Variants in ALK observed in about 807,000 individuals in gnomAD.
The protein encoded by ALK is ALK tyrosine kinase receptor.
A neutral mutation model predicts 163.1 loss-of-function variants in ALK; 74 were observed. The observed-to-expected ratio is 0.45, with a 90% CI of 0.38 to 0.55. The LOEUF (loss-of-function observed/expected upper bound fraction) is 0.55. Ranked by LOEUF, ALK falls within the 20% of genes least tolerant of loss-of-function variation. The pLI is 0.00. For synonymous variants in ALK, 960 were observed against 843.2 expected (o/e 1.14, Z -2.40); for missense variants, 2,063 against 2,105.3 (o/e 0.98, Z 0.39).
At chr2:29,395,848 C>T (rs986580458) in intron 4 of ALK, among the ~76,000 whole-genome samples, 1 of 152,226 alleles carries the variant, frequency 6.6e-6, no homozygotes, top group Non-Finnish European at 1.5e-5. Flanking sequence ...TTAGCCTTAG[C>T]TCATACCCTT....
At chr2:29,439,014 C>T (rs554702536) in intron 4 of ALK, among the ~76,000 whole-genome samples, 1 of 152,130 alleles carries the variant, frequency 6.6e-6, no homozygotes, top group Non-Finnish European at 1.5e-5. Context: ...CCTCTGTAGC[C>T]CAGATATTGT....
At chr2:29,375,352 G>T (rs1278140162) in intron 5 of ALK, among the ~76,000 whole-genome samples, 1 of 151,510 alleles carries the variant, frequency 6.6e-6, no homozygotes, top group Non-Finnish European at 1.5e-5. Flanking sequence ...ACGGAGTCTC[G>T]CTGTCTCCCA....
intron 1 of ALK, among the ~76,000 whole-genome samples, chr2:29,877,697 G>C (rs1666759085): frequency 6.6e-6 from 1 of 152,148 alleles, no homozygotes; most frequent in African/African-American, 2.4e-5. Flanking sequence ...AGCATATCAT[G>C]GGTGACGACC....
chr2:29,787,443 G>C (rs879431597), intron 1 of ALK, among the ~76,000 whole-genome samples: 5 of 152,202 alleles, frequency 3.3e-5, no homozygotes, highest in Non-Finnish European at 7.3e-5. Flanking sequence ...GTATACACTG[G>C]CACCAAAGCA....
intron 5 of ALK, among the ~76,000 whole-genome samples, chr2:29,335,636 C>A (rs1667587795): frequency 6.6e-6 from 1 of 152,152 alleles, no homozygotes; most frequent in South Asian, 2.1e-4. Flanking sequence ...AAATTGTCTT[C>A]TAGGAGAGGC....
chr2:29,851,040 T>C (rs1298827852), intron 1 of ALK, among the ~76,000 whole-genome samples: 11 of 152,220 alleles, frequency 7.2e-5, no homozygotes, highest in Admixed American at 6.5e-4. Context: ...TCATAGTGCC[T>C]AGCACAGTGC....
intron 5 of ALK, among the ~76,000 whole-genome samples, chr2:29,347,383 G>A (rs1667981910): frequency 6.6e-6 from 1 of 152,184 alleles, no homozygotes; most frequent in Admixed American, 6.5e-5. Context: ...ATTTCCATGA[G>A]CACTTGGAGG....
At chr2:29,632,669 C>G (rs533891676) in intron 3 of ALK, among the ~76,000 whole-genome samples, 1 of 152,104 alleles carries the variant, frequency 6.6e-6, no homozygotes, top group Non-Finnish European at 1.5e-5. Context: ...TCCATTTTCA[C>G]GCTGCCAATA....
intron 4 of ALK, among the ~76,000 whole-genome samples, chr2:29,512,516 C>G (rs533294464): frequency 0.014 from 2,105 of 148,186 alleles, 23 homozygotes; most frequent in Non-Finnish European, 0.018. Context: ...TAAGAGCTAT[C>G]TATGACAAAC....
chr2:29,833,833 A>C (rs192801400), intron 1 of ALK, among the ~76,000 whole-genome samples: 5 of 152,212 alleles, frequency 3.3e-5, no homozygotes, highest in Non-Finnish European at 5.9e-5. Flanking sequence ...TTACAAACAT[A>C]TCTCACCACA....
chr2:29,788,543 A>C (rs1433066813), intron 1 of ALK, among the ~76,000 whole-genome samples: 1 of 152,148 alleles, frequency 6.6e-6, no homozygotes, highest in Non-Finnish European at 1.5e-5. Context: ...AAGGGAGGGA[A>C]CTAGACAAGG....
chr2:29,523,247 C>G (rs1672862929), intron 4 of ALK, among the ~76,000 whole-genome samples: 1 of 152,172 alleles, frequency 6.6e-6, no homozygotes, highest in Non-Finnish European at 1.5e-5. Flanking sequence ...CACCTGACAC[C>G]CCTTGCCCCT....
At chr2:29,720,528 G>C (rs1402105317) in intron 1 of ALK, among the ~76,000 whole-genome samples, 1 of 152,110 alleles carries the variant, frequency 6.6e-6, no homozygotes, top group Non-Finnish European at 1.5e-5. Flanking sequence ...CTAATGTGGG[G>C]GTCAGCCAAA....
intron 5 of ALK, among the ~76,000 whole-genome samples, chr2:29,377,814 A>G (rs1668794395): frequency 6.6e-6 from 1 of 152,218 alleles, no homozygotes; most frequent in Non-Finnish European, 1.5e-5. Context: ...TTGACTTTGG[A>G]TACCTTCACC....
chr2:29,211,634 G>A (rs13015783), intron 24 of ALK, among the ~76,000 whole-genome samples: 55,057 of 152,148 alleles, frequency 0.36, 11,624 homozygotes, highest in Non-Finnish European at 0.47. Flanking sequence ...GGAAGTCCAT[G>A]AATCTTAAGA....
chr2:29,673,788 T>C (rs1357775772), intron 3 of ALK, among the ~76,000 whole-genome samples: 4 of 151,230 alleles, frequency 2.6e-5, no homozygotes, highest in African/African-American at 9.7e-5. Context: ...ATTTTCATGA[T>C]ATTGATTCTT....
intron 11 of ALK, among the ~76,000 whole-genome samples, chr2:29,255,272 C>T (rs189942837): frequency 4.7e-4 from 72 of 152,248 alleles, no homozygotes; most frequent in African/African-American, 1.7e-3. Context: ...CTGCTGGTTC[C>T]CTTTGTTCAT....
chr2:29,918,089 G>C (rs932273208), intron 1 of ALK, among the ~76,000 whole-genome samples: 1 of 152,178 alleles, frequency 6.6e-6, no homozygotes, highest in African/African-American at 2.4e-5. Context: ...CTTGAGTGGA[G>C]TATATTCTTT....
chr2:29,226,338 CATG>C (rs1663991194), intron 18 of ALK, among the ~76,000 whole-genome samples: 1 of 151,806 alleles, frequency 6.6e-6, no homozygotes, highest in Admixed American at 6.6e-5. Flanking sequence ...ATTAGCCTGG[CATG>C]GTGGTGGGCG....
Sources: gnomAD v4.1 joint callset for allele counts (sites outside exome capture counted in the v4.1 genomes callset) on GRCh38, gnomAD v4.1.1 for gene constraint, MANE v1.5 for transcripts, NCBI Gene and HGNC (gene_info 2026-07-23, HGNC 2026-07-21) for gene names.